PTPRT: variants seen among roughly 807,000 people sequenced by gnomAD.
PTPRT encodes the protein receptor-type tyrosine-protein phosphatase T.
PTPRT carries 56 observed loss-of-function variants against 176.8 expected under a neutral mutation model. The observed-to-expected ratio is 0.32, with a 90% CI of 0.26 to 0.40. The LOEUF is 0.40. Ranked by LOEUF, PTPRT falls within the 10% of genes least tolerant of loss-of-function variation. The probability of loss-of-function intolerance (pLI) is 1.00; values close to 1 mark genes in which losing one functional copy is unlikely to be tolerated. For synonymous variants in PTPRT, 783 were observed against 739.0 expected, an observed-to-expected ratio of 1.06 and a Z score of -0.96; for missense variants, 1,540 against 1,908.2, an observed-to-expected ratio of 0.81 and a Z score of 3.60.
chr20:42,710,922 T>A (rs2076135275), intron 6 of PTPRT, among the ~76,000 whole-genome samples: 1 of 152,224 alleles, frequency 6.6e-6, no homozygotes, highest in East Asian at 1.9e-4. Flanking sequence ...GCCTTAGATA[T>A]GGGACATAGA....
At chr20:42,794,100 G>A (rs1439595411) in intron 2 of PTPRT, among the ~76,000 whole-genome samples, 1 of 152,174 alleles carries the variant, frequency 6.6e-6, no homozygotes, top group Non-Finnish European at 1.5e-5. Context: ...TTCGGTAGCA[G>A]GGCAGGCTCG....
intron 1 of PTPRT, among the ~76,000 whole-genome samples, chr20:43,129,508 T>C (rs1043305061): frequency 2.6e-5 from 4 of 152,136 alleles, no homozygotes; most frequent in African/African-American, 9.7e-5. Context: ...GACTGATGTG[T>C]GATCCTCTGT....
intron 7 of PTPRT, among the ~76,000 whole-genome samples, chr20:42,642,293 T>C (rs1465282073): frequency 6.6e-6 from 1 of 152,178 alleles, no homozygotes; most frequent in Non-Finnish European, 1.5e-5. Flanking sequence ...CATCACACTA[T>C]ATGAATGACT....
intron 1 of PTPRT, among the ~76,000 whole-genome samples, chr20:42,980,026 T>C (rs1983186755): frequency 6.6e-6 from 1 of 151,692 alleles, no homozygotes; most frequent in Non-Finnish European, 1.5e-5. Flanking sequence ...CAATTAAAAT[T>C]CACATCACAA....
intron 3 of PTPRT, among the ~76,000 whole-genome samples, chr20:42,788,141 G>A (rs1449172094): frequency 6.6e-6 from 1 of 152,020 alleles, no homozygotes; most frequent in African/African-American, 2.4e-5. Context: ...AAAGGACTCT[G>A]CTTTTAGCCA....
intron 11 of PTPRT, among the ~76,000 whole-genome samples, chr20:42,335,336 C>A (rs1014327765): frequency 7.9e-5 from 12 of 152,170 alleles, no homozygotes; most frequent in African/African-American, 2.9e-4. Context: ...AAAAGCACAG[C>A]ACCTCCAGTC....
At chr20:42,775,351 T>G (rs554635769) in intron 4 of PTPRT, among the ~76,000 whole-genome samples, 1 of 152,336 alleles carries the variant, frequency 6.6e-6, no homozygotes, top group African/African-American at 2.4e-5. Flanking sequence ...TAGAAACATG[T>G]TGCAGATGCT....
At chr20:42,898,390 G>T (rs543988080) in intron 1 of PTPRT, among the ~76,000 whole-genome samples, 1 of 152,186 alleles carries the variant, frequency 6.6e-6, no homozygotes, top group South Asian at 2.1e-4. Flanking sequence ...TAAATTTTTT[G>T]TAGAGATGGG....
chr20:42,812,470 A>G (rs1183058726), intron 2 of PTPRT, among the ~76,000 whole-genome samples: 1 of 152,158 alleles, frequency 6.6e-6, no homozygotes, highest in Non-Finnish European at 1.5e-5. Flanking sequence ...ATTACTTATA[A>G]ATGGAATCCT....
intron 2 of PTPRT, among the ~76,000 whole-genome samples, chr20:42,827,933 T>A (rs979180836): frequency 1.3e-5 from 2 of 152,230 alleles, no homozygotes; most frequent in Non-Finnish European, 2.9e-5. Flanking sequence ...GTCTCTTGTA[T>A]GTCCTTATCA....
At chr20:42,779,847 GT>G (rs2077189489) in intron 4 of PTPRT, among the ~76,000 whole-genome samples, 2 of 96,944 alleles carry the variant, frequency 2.1e-5, no homozygotes, top group African/African-American at 5.6e-5. Context: ...TGGTGGTGGT[GT>G]GTTTTTTTTT....
chr20:42,808,290 T>TGAATCCCA (rs1435327750), intron 2 of PTPRT, among the ~76,000 whole-genome samples: 1 of 152,228 alleles, frequency 6.6e-6, no homozygotes, highest in Non-Finnish European at 1.5e-5. Context: ...TCTCTGATTC[T>TGAATCCCA]GAATCCCAGA....
At chr20:42,942,065 A>G (rs1490181939) in intron 1 of PTPRT, among the ~76,000 whole-genome samples, 1 of 152,132 alleles carries the variant, frequency 6.6e-6, no homozygotes, top group Non-Finnish European at 1.5e-5. Flanking sequence ...GGAAGAAAGA[A>G]TACTCAGGCT....
intron 9 of PTPRT, among the ~76,000 whole-genome samples, chr20:42,411,239 G>A (rs2059012977): frequency 6.6e-6 from 1 of 152,076 alleles, no homozygotes; most frequent in African/African-American, 2.4e-5. Flanking sequence ...GAGGCCAAGA[G>A]TTTAAGACCA....
At chr20:42,925,418 T>C (rs1404601816) in intron 1 of PTPRT, among the ~76,000 whole-genome samples, 1 of 152,120 alleles carries the variant, frequency 6.6e-6, no homozygotes, top group African/African-American at 2.4e-5. Flanking sequence ...TGGTTCCTCC[T>C]AGGGAAAAAT....
At chr20:43,182,551 C>G (rs117105315) in intron 1 of PTPRT, among the ~76,000 whole-genome samples, 1 of 152,128 alleles carries the variant, frequency 6.6e-6, no homozygotes, top group African/African-American at 2.4e-5. Flanking sequence ...CTACCACACC[C>G]GGCTAATTTT....
At chr20:42,733,300 G>T (rs895080092) in intron 6 of PTPRT, among the ~76,000 whole-genome samples, 2 of 152,152 alleles carry the variant, frequency 1.3e-5, no homozygotes, top group African/African-American at 4.8e-5. Flanking sequence ...GACGAGGGGG[G>T]TTCACTCTCT....
chr20:42,793,747 G>A (rs751132316), intron 2 of PTPRT, among the ~76,000 whole-genome samples: 1 of 152,124 alleles, frequency 6.6e-6, no homozygotes, highest in African/African-American at 2.4e-5. Context: ...AGATGAGACC[G>A]AGCCTGCATC....
rs186470491 is a variant in PTPRT at position 43,126,704 on chromosome 20, C to A, written c.88+62942G>T. 7.9e-3 allele frequency among the ~76,000 whole-genome samples: 1,210 copies of A among 152,300 alleles called. 19 individuals are homozygous for A. The highest frequency in any genetic ancestry group is 0.027 in the African/African-American group (1,131 of 41,546). On this transcript the variant is annotated intron_variant, in intron 1 of 30. Coordinates refer to ENST00000373187, the MANE Select transcript of PTPRT (RefSeq NM_007050.6). Reference sequence around the variant, plus strand: ...AAAGATTGAAAAATAAAATTTTGTTCTCTTGAGAATGACACCACCCCCTCC... The same window carrying A: ...AAAGATTGAAAAATAAAATTTTGTTATCTTGAGAATGACACCACCCCCTCC...
Sources: allele counts gnomAD v4.1 joint callset (sites outside exome capture counted in the v4.1 genomes callset), GRCh38; gene constraint gnomAD v4.1.1; transcripts MANE v1.5; gene names NCBI Gene and HGNC (gene_info 2026-07-23, HGNC 2026-07-21).